The following RNGTT variants were observed in gnomAD, a reference collection of about 807,000 sequenced individuals.
RNGTT encodes mRNA-capping enzyme.
RNGTT carries 33 observed loss-of-function variants against 79.3 expected under a neutral mutation model. The ratio of observed to expected loss-of-function variants is 0.42; its 90% confidence interval spans 0.32 to 0.56. The LOEUF (loss-of-function observed/expected upper bound fraction) is 0.56, where lower values mean the gene tolerates loss of function less well. Ranked by LOEUF, RNGTT falls within the 20% of genes least tolerant of loss-of-function variation. The probability of loss-of-function intolerance (pLI) is 0.17; values close to 1 mark genes in which losing one functional copy is unlikely to be tolerated. For missense variants in RNGTT, 497 were observed against 739.1 expected (o/e 0.67, Z 3.80); for synonymous variants, 222 against 235.9 (o/e 0.94, Z 0.54).
chr6:88,693,168 G>T (rs888584687), intron 13 of RNGTT, among the ~76,000 whole-genome samples: 6 of 151,594 alleles, frequency 4.0e-5, no homozygotes, highest in Admixed American at 6.6e-5. Flanking sequence ...GAAAATAGAA[G>T]AATAAATCAA....
chr6:88,730,965 G>A (rs1423030231), intron 13 of RNGTT, among the ~76,000 whole-genome samples: 2 of 152,096 alleles, frequency 1.3e-5, no homozygotes, highest in African/African-American at 4.8e-5. Context: ...TAAGGTCACA[G>A]CCCAGGAATG....
intron 8 of RNGTT, among the ~76,000 whole-genome samples, chr6:88,872,904 A>C (rs1207225855): frequency 2.6e-5 from 4 of 152,188 alleles, no homozygotes; most frequent in Non-Finnish European, 5.9e-5. Flanking sequence ...GCACAGGATG[A>C]CTACAGTGAC....
At chr6:88,919,273 C>T (rs79574934) in intron 4 of RNGTT, among the ~76,000 whole-genome samples, 141 of 152,184 alleles carry the variant, frequency 9.3e-4, no homozygotes, top group African/African-American at 3.3e-3. Flanking sequence ...TAAATATTAG[C>T]TCACAATTAA....
chr6:88,816,819 A>T (rs967403177), intron 11 of RNGTT, among the ~76,000 whole-genome samples: 1 of 152,214 alleles, frequency 6.6e-6, no homozygotes, highest in African/African-American at 2.4e-5. Context: ...TGACCCAGAT[A>T]TATGAGTACT....
At chr6:88,693,901 T>A (rs931440175) in intron 13 of RNGTT, among the ~76,000 whole-genome samples, 1 of 152,104 alleles carries the variant, frequency 6.6e-6, no homozygotes, top group African/African-American at 2.4e-5. Flanking sequence ...AAATTCAACA[T>A]CCTTTCATGA....
At chr6:88,616,733 A>T (rs769290506) in intron 14 of RNGTT, among the ~76,000 whole-genome samples, 1 of 151,966 alleles carries the variant, frequency 6.6e-6, no homozygotes, top group African/African-American at 2.4e-5. Context: ...AATTTTTTTA[A>T]TTGGGTTGTT....
At chr6:88,775,918 T>C (rs1038872514) in intron 12 of RNGTT, among the ~76,000 whole-genome samples, 2 of 152,222 alleles carry the variant, frequency 1.3e-5, no homozygotes, top group African/African-American at 4.8e-5. Flanking sequence ...AAATATACCA[T>C]AATTTCTTAA....
intron 14 of RNGTT, among the ~76,000 whole-genome samples, chr6:88,676,386 A>T (rs1306886261): frequency 6.7e-6 from 1 of 148,924 alleles, no homozygotes; most frequent in Non-Finnish European, 1.5e-5. Context: ...AAAAGATGAC[A>T]AAAAAAAAGA....
intron 12 of RNGTT, among the ~76,000 whole-genome samples, chr6:88,770,814 G>C (rs1474083376): frequency 3.9e-5 from 6 of 152,182 alleles, no homozygotes; most frequent in Non-Finnish European, 2.9e-5. Flanking sequence ...CCTTTCTAAA[G>C]TGTGTGTCTC....
At chr6:88,918,954 T>C (rs1784081209) in intron 4 of RNGTT, among the ~76,000 whole-genome samples, 1 of 152,216 alleles carries the variant, frequency 6.6e-6, no homozygotes, top group Admixed American at 6.5e-5. Flanking sequence ...TAATATGTCA[T>C]GTGAAGATAT....
At chr6:88,898,624 T>C (rs1158039312) in intron 6 of RNGTT, among the ~76,000 whole-genome samples, 2 of 150,926 alleles carry the variant, frequency 1.3e-5, no homozygotes, top group African/African-American at 4.9e-5. Flanking sequence ...TATATAGGAC[T>C]TAATTTTTAC....
At chr6:88,725,886 G>T (rs912449668) in intron 13 of RNGTT, among the ~76,000 whole-genome samples, 32 of 151,904 alleles carry the variant, frequency 2.1e-4, no homozygotes, top group African/African-American at 7.7e-4. Flanking sequence ...CCAGCAAAGA[G>T]GAAAGAGAAA....
chr6:88,957,397 G>A lies in RNGTT; in HGVS notation c.64+5949C>T, dbSNP rs1010220283. ...AATCAGGCAAGAGAAAGAAATAAAG[G>A]GCATCCAAATTGGTAAAGAGGAAGT... On this transcript the variant is annotated intron_variant, in intron 1 of 15. Transcript: ENST00000369485. 3.9e-5 allele frequency among the ~76,000 whole-genome samples: 6 copies of A among 152,176 alleles called. No individual in the cohort carries two copies. In the Middle Eastern group the frequency reaches 0.01, roughly 259 times the overall value.
At chr6:88,874,967 T>C (rs1782470615) in intron 8 of RNGTT, among the ~76,000 whole-genome samples, 1 of 152,106 alleles carries the variant, frequency 6.6e-6, no homozygotes, top group Non-Finnish European at 1.5e-5. Flanking sequence ...AGTTTTGTTA[T>C]ATCTCTTACT....
intron 14 of RNGTT, among the ~76,000 whole-genome samples, chr6:88,671,769 G>A (rs1774649382): frequency 6.6e-6 from 1 of 152,148 alleles, no homozygotes; most frequent in African/African-American, 2.4e-5. Context: ...GTAGACCAAT[G>A]GAACAGAACA....
intron 9 of RNGTT, among the ~76,000 whole-genome samples, chr6:88,852,163 C>T (rs1268846940): frequency 6.6e-6 from 1 of 152,034 alleles, no homozygotes; most frequent in Non-Finnish European, 1.5e-5. Flanking sequence ...ATTCAAAGGT[C>T]TCTTCCATCA....
chr6:88,743,990 G>A (rs1274479240), intron 13 of RNGTT, among the ~76,000 whole-genome samples: 1 of 152,094 alleles, frequency 6.6e-6, no homozygotes, highest in Non-Finnish European at 1.5e-5. Flanking sequence ...TTAGTATAAA[G>A]CCTAAAAACA....
At chr6:88,927,058 A>C (rs113263262) in intron 4 of RNGTT, among the ~76,000 whole-genome samples, 1 of 152,240 alleles carries the variant, frequency 6.6e-6, no homozygotes, top group Non-Finnish European at 1.5e-5. Flanking sequence ...AAATCAAACA[A>C]GACACAAAAA....
At chr6:88,632,556 C>CACACAG (rs1554199321) in intron 14 of RNGTT, among the ~76,000 whole-genome samples, 1 of 149,454 alleles carries the variant, frequency 6.7e-6, no homozygotes, top group Admixed American at 6.6e-5. Context: ...CACACACACA[C>CACACAG]ACACACACAC....
Sources: gnomAD v4.1 joint callset for allele counts (sites outside exome capture counted in the v4.1 genomes callset) on GRCh38, gnomAD v4.1.1 for gene constraint, MANE v1.5 for transcripts, NCBI Gene and HGNC (gene_info 2026-07-23, HGNC 2026-07-21) for gene names.